Variants in GPC5 observed in about 807,000 individuals in gnomAD.
The protein encoded by GPC5 is glypican-5.
Under a neutral mutation model 53.9 loss-of-function variants are expected in GPC5, and 47 were observed. That is an observed-to-expected ratio of 0.87 (90% CI 0.69 to 1.11). The LOEUF (loss-of-function observed/expected upper bound fraction) is 1.11, where lower values mean the gene tolerates loss of function less well. Ranked by LOEUF, GPC5 falls within the 50% of genes most tolerant of loss-of-function variation. GPC5 has a pLI of 0.00. For synonymous variants in GPC5, 286 were observed against 263.3 expected (o/e 1.09, Z -0.84); for missense variants, 748 against 713.1 (o/e 1.05, Z -0.56).
rs761055682 is a variant in GPC5, at chr13:92,144,916, G to A, written c.1488G>A (p.Gly496=). Residue 496 remains glycine, a synonymous_variant, in exon 7 of 8, where the codon GGG becomes GGA. Transcript: ENST00000377067. The stretch of plus-strand genomic sequence containing the variant: ...GAGGCATGGTTGAACAAGTCAGTGG[G>A]GACTGTGATGATGAAGATGGTTGCG... ...SGGGMVEQVS[G]DCDDEDGCGG... 2 of 1,599,362 alleles carry A rather than the reference G, an allele frequency of 1.3e-6. No individual in the cohort carries two copies. Among genetic ancestry groups the A allele is most frequent in the Non-Finnish European group, 1.7e-6 (2 of 1,174,986 alleles).
intron 6 of GPC5, among the ~76,000 whole-genome samples, chr13:92,049,933 A>G (rs915177695): frequency 1.3e-5 from 2 of 152,174 alleles, no homozygotes; most frequent in Non-Finnish European, 2.9e-5. Flanking sequence ...TTTTTGATAC[A>G]AATTGTCTAG....
intron 7 of GPC5, among the ~76,000 whole-genome samples, chr13:92,254,076 G>T (rs1490612004): frequency 6.6e-6 from 1 of 152,018 alleles, no homozygotes; most frequent in African/African-American, 2.4e-5. Flanking sequence ...GCTGCCTGAA[G>T]GTAGTCAAAG....
At chr13:91,774,422 A>G (rs2037676213) in intron 5 of GPC5, among the ~76,000 whole-genome samples, 1 of 152,186 alleles carries the variant, frequency 6.6e-6, no homozygotes, top group Non-Finnish European at 1.5e-5. Flanking sequence ...GGGCTACCAC[A>G]TTAAAAATAC....
At chr13:91,833,436 C>A (rs886137031) in intron 5 of GPC5, among the ~76,000 whole-genome samples, 1 of 151,996 alleles carries the variant, frequency 6.6e-6, no homozygotes, top group Non-Finnish European at 1.5e-5. Flanking sequence ...AAAGGCACAA[C>A]AACAACAACA....
At chr13:92,301,751 G>C (rs2043076928) in intron 7 of GPC5, among the ~76,000 whole-genome samples, 2 of 151,738 alleles carry the variant, frequency 1.3e-5, no homozygotes. Flanking sequence ...ATCAGTAAAA[G>C]AAAAAATCAG....
intron 7 of GPC5, among the ~76,000 whole-genome samples, chr13:92,466,753 G>A (rs1878706744): frequency 6.6e-6 from 1 of 152,078 alleles, no homozygotes; most frequent in African/African-American, 2.4e-5. Flanking sequence ...AGTTGTTGGT[G>A]GTAGGATGGT....
At chr13:92,726,374 T>A (rs1475866184) in intron 7 of GPC5, among the ~76,000 whole-genome samples, 2 of 151,486 alleles carry the variant, frequency 1.3e-5, no homozygotes, top group Non-Finnish European at 3.0e-5. Flanking sequence ...TTCTGTACTA[T>A]TTTTTTGTGT....
intron 7 of GPC5, among the ~76,000 whole-genome samples, chr13:92,793,084 T>A (rs1243171280): frequency 1.3e-5 from 2 of 152,066 alleles, no homozygotes; most frequent in Non-Finnish European, 2.9e-5. Context: ...GAATATACAT[T>A]TTTCTCAGCA....
chr13:91,572,217 A>ATACACATATGTATATATACGTGTG (rs1566517664), intron 2 of GPC5, among the ~76,000 whole-genome samples: 7 of 89,412 alleles, frequency 7.8e-5, no homozygotes, highest in African/African-American at 1.8e-4. Flanking sequence ...ATACGTGTAT[A>ATACACATATGTATATATACGTGTG]TATATACACA....
intron 7 of GPC5, among the ~76,000 whole-genome samples, chr13:92,336,182 A>G (rs1323595295): frequency 6.6e-6 from 1 of 152,238 alleles, no homozygotes; most frequent in Admixed American, 6.5e-5. Context: ...CAATAAATCC[A>G]TGTTTCTACA....
chr13:91,477,553 A>G (rs1044315786), intron 2 of GPC5, among the ~76,000 whole-genome samples: 1 of 152,220 alleles, frequency 6.6e-6, no homozygotes, highest in African/African-American at 2.4e-5. Flanking sequence ...TATTCAAAAT[A>G]GGTTTAGTTG....
chr13:92,200,338 T>G (rs567258888), intron 7 of GPC5, among the ~76,000 whole-genome samples: 1 of 152,338 alleles, frequency 6.6e-6, no homozygotes, highest in African/African-American at 2.4e-5. Context: ...ACAAAACAAT[T>G]ACGGCTGTAT....
rs914859096 is a variant in GPC5 at position 92,269,520 on chromosome 13, C to T, written c.1561+124531C>T. Among the ~76,000 whole-genome samples, 10 of 152,256 alleles carry T rather than the reference C, an allele frequency of 6.6e-5. No homozygotes were observed. The East Asian group carries it at 1.9e-3, about 29-fold the overall frequency. ...TCCCGGGTTCAAGCAATTCTCCTGC[C>T]TCAGCCTCCCAAGTAGCTGGGACTA... On this transcript the variant is annotated intron_variant, in intron 7 of 7. Coordinates refer to ENST00000377067, the MANE Select transcript of GPC5 (RefSeq NM_004466.6).
chr13:92,862,667 A>AGATT lies in GPC5; in HGVS notation c.1562-3614_1562-3611dup, dbSNP rs1443395156. ...TAGATAGATAGATAGATAGATAGAT[A>AGATT]GATTTGACTCGTCTAAGTGTGAAGG... On this transcript the variant is annotated intron_variant, in intron 7 of 7. Transcript: ENST00000377067. Among the ~76,000 whole-genome samples, 4 of 150,600 alleles carry AGATT rather than the reference A, an allele frequency of 2.7e-5. No homozygotes were observed. The East Asian group carries it at 5.8e-4, about 22-fold the overall frequency.
chr13:91,592,398 C>T (rs944892517), intron 2 of GPC5, among the ~76,000 whole-genome samples: 22 of 152,132 alleles, frequency 1.4e-4, no homozygotes, highest in Non-Finnish European at 2.9e-4. Context: ...GAGCCCCCTG[C>T]AACCACTGGC....
intron 7 of GPC5, among the ~76,000 whole-genome samples, chr13:92,290,874 G>A (rs376873618): frequency 2.0e-5 from 3 of 152,120 alleles, no homozygotes; most frequent in South Asian, 2.1e-4. Context: ...CTTAGCTTGC[G>A]GGGAGGTGTG....
chr13:91,570,132 G>A (rs1414716), intron 2 of GPC5, among the ~76,000 whole-genome samples: 71,662 of 151,992 alleles, frequency 0.47, 18,776 homozygotes, highest in African/African-American at 0.72. Flanking sequence ...AACTATAAAA[G>A]TCGCCATAAA....
chr13:91,552,532 A>G (rs1346893660), intron 2 of GPC5, among the ~76,000 whole-genome samples: 1 of 152,066 alleles, frequency 6.6e-6, no homozygotes, highest in Non-Finnish European at 1.5e-5. Context: ...CAAACCAGTC[A>G]TTAGCATTGT....
intron 7 of GPC5, among the ~76,000 whole-genome samples, chr13:92,772,870 A>T (rs1476606674): frequency 1.3e-5 from 2 of 152,208 alleles, no homozygotes; most frequent in African/African-American, 2.4e-5. Flanking sequence ...TTCAGATAAA[A>T]TCAAAGATAT....
Sources: gnomAD v4.1 joint callset for allele counts (sites outside exome capture counted in the v4.1 genomes callset) on GRCh38, gnomAD v4.1.1 for gene constraint, MANE v1.5 for transcripts, NCBI Gene and HGNC (gene_info 2026-07-23, HGNC 2026-07-21) for gene names.